Variants in CADM2 observed in about 807,000 individuals in gnomAD.
CADM2 encodes the protein cell adhesion molecule 2, also known as immunoglobulin superfamily member 4D.
In CADM2, 12 loss-of-function variants were observed where a neutral mutation model predicts 49.8. That is an observed-to-expected ratio of 0.24 (90% CI 0.15 to 0.39). The LOEUF (loss-of-function observed/expected upper bound fraction) is 0.39, where lower values mean the gene tolerates loss of function less well. Among genes scored for constraint, CADM2 ranks in the 10% least tolerant of loss-of-function variants. The pLI is 1.00. For missense variants in CADM2, 378 were observed against 492.3 expected, an observed-to-expected ratio of 0.77 and a Z score of 2.20; for synonymous variants, 214 against 175.4, an observed-to-expected ratio of 1.22 and a Z score of -1.74.
intron 1 of CADM2, among the ~76,000 whole-genome samples, chr3:85,121,461 A>G (rs1401420553): frequency 6.6e-6 from 1 of 152,144 alleles, no homozygotes; most frequent in African/African-American, 2.4e-5. Flanking sequence ...GCAGGAGGAA[A>G]GTGATCTGCA....
At chr3:85,633,362 T>A (rs1325865070) in intron 1 of CADM2, among the ~76,000 whole-genome samples, 1 of 152,082 alleles carries the variant, frequency 6.6e-6, no homozygotes, top group Non-Finnish European at 1.5e-5. Flanking sequence ...CTGGAGATGA[T>A]AATGCTTATA....
chr3:85,867,932 C>T (rs2075784114), intron 3 of CADM2, among the ~76,000 whole-genome samples: 1 of 151,954 alleles, frequency 6.6e-6, no homozygotes, highest in Non-Finnish European at 1.5e-5. Context: ...TCTTAGGCCA[C>T]GTTTCTTGCT....
intron 2 of CADM2, among the ~76,000 whole-genome samples, chr3:85,795,359 G>A (rs554969515): frequency 3.4e-4 from 52 of 152,200 alleles, no homozygotes; most frequent in African/African-American, 1.2e-3. Flanking sequence ...CTACAACAAA[G>A]CTTTTGAATT....
At chr3:85,782,844 G>A (rs6549054) in intron 2 of CADM2, among the ~76,000 whole-genome samples, 100,379 of 151,742 alleles carry the variant, frequency 0.66, 33,665 homozygotes, top group East Asian at 0.77. Flanking sequence ...CCACTCCCCT[G>A]TGTCAACGTA....
chr3:85,158,808 T>A (rs2040223652), intron 1 of CADM2, among the ~76,000 whole-genome samples: 3 of 152,040 alleles, frequency 2.0e-5, no homozygotes, highest in South Asian at 2.1e-4. Flanking sequence ...AACTTGCACA[T>A]TGTGCACATG....
intron 1 of CADM2, among the ~76,000 whole-genome samples, chr3:85,708,803 G>T (rs982219900): frequency 6.6e-6 from 1 of 152,070 alleles, no homozygotes; most frequent in African/African-American, 2.4e-5. Context: ...CTTGATGTTT[G>T]TGGGGTAAGA....
chr3:85,149,228 A>G (rs891239019), intron 1 of CADM2, among the ~76,000 whole-genome samples: 1 of 152,070 alleles, frequency 6.6e-6, no homozygotes, highest in Non-Finnish European at 1.5e-5. Context: ...CCATTGTGCC[A>G]GTATTAAGAG....
chr3:85,981,632 T>C (rs1727499500), intron 8 of CADM2, among the ~76,000 whole-genome samples: 1 of 151,678 alleles, frequency 6.6e-6, no homozygotes, highest in Admixed American at 6.6e-5. Flanking sequence ...TCCACATTAA[T>C]TTGCTTAGAA....
intron 1 of CADM2, among the ~76,000 whole-genome samples, chr3:85,188,446 A>G (rs539844520): frequency 3.3e-5 from 5 of 152,308 alleles, no homozygotes; most frequent in East Asian, 1.9e-4. Flanking sequence ...TACAATGTCT[A>G]TAATTATTTC....
chr3:85,872,521 T>A (rs1013270546), intron 3 of CADM2, among the ~76,000 whole-genome samples: 3 of 151,816 alleles, frequency 2.0e-5, no homozygotes, highest in Admixed American at 1.3e-4. Context: ...ATAAAAGATG[T>A]TTATCAAATT....
At chr3:85,255,094 A>G (rs779354596) in intron 1 of CADM2, among the ~76,000 whole-genome samples, 1 of 152,122 alleles carries the variant, frequency 6.6e-6, no homozygotes, top group East Asian at 1.9e-4. Flanking sequence ...CATAATAACC[A>G]CAGCCAAATT....
chr3:86,000,429 G>T (rs1730036393), intron 8 of CADM2, among the ~76,000 whole-genome samples: 1 of 152,078 alleles, frequency 6.6e-6, no homozygotes, highest in African/African-American at 2.4e-5. Flanking sequence ...AAACTCTGGG[G>T]AAAGAATAAA....
rs562814606 is a variant in CADM2, at chr3:85,806,910, C to CT, written c.238+4720dup. Among the ~76,000 whole-genome samples, 490 of 152,226 alleles carry CT rather than the reference C, an allele frequency of 3.2e-3. 1 individual carries two copies. The highest frequency in any genetic ancestry group is 5.2e-3 in the Non-Finnish European group (355 of 68,006). On this transcript the variant is annotated intron_variant, in intron 3 of 9. Transcript: ENST00000383699. ...AGGCAGCAAATTCAAGCTTTTACAA[C>CT]TTTTTTGCCATGTTTAATGTGATCA... is the stretch of plus-strand genomic sequence containing the variant.
chr3:85,535,075 C>T (rs1278911085), intron 1 of CADM2, among the ~76,000 whole-genome samples: 1 of 104,798 alleles, frequency 9.5e-6, no homozygotes, highest in Non-Finnish European at 2.4e-5. Context: ...CGATGTTACT[C>T]AGTAATTTGA....
intron 1 of CADM2, among the ~76,000 whole-genome samples, chr3:85,652,068 C>T (rs1203206926): frequency 1.3e-5 from 2 of 150,252 alleles, no homozygotes; most frequent in East Asian, 3.9e-4. Flanking sequence ...CCACCCACCT[C>T]AGCCTCCCAA....
intron 2 of CADM2, among the ~76,000 whole-genome samples, chr3:85,777,389 G>A (rs925493593): frequency 1.3e-5 from 2 of 151,940 alleles, no homozygotes; most frequent in Non-Finnish European, 2.9e-5. Context: ...TGGAGTAGCT[G>A]GAACTACAGG....
intron 2 of CADM2, among the ~76,000 whole-genome samples, chr3:85,727,207 T>C (rs2067738063): frequency 6.6e-6 from 1 of 152,134 alleles, no homozygotes; most frequent in African/African-American, 2.4e-5. Context: ...TTTCATTCTG[T>C]TTAGAGCAGT....
At chr3:85,590,409 A>G (rs758422689) in intron 1 of CADM2, among the ~76,000 whole-genome samples, 4 of 151,988 alleles carry the variant, frequency 2.6e-5, no homozygotes, top group Admixed American at 2.0e-4. Flanking sequence ...AAATAATTCA[A>G]ACTTTTAGAC....
At chr3:85,071,789 C>A (rs1311831162) in intron 1 of CADM2, among the ~76,000 whole-genome samples, 1 of 151,902 alleles carries the variant, frequency 6.6e-6, no homozygotes, top group South Asian at 2.1e-4. Flanking sequence ...AATCCAACTA[C>A]CTTCGTTAGC....
Sources: allele counts gnomAD v4.1 joint callset (sites outside exome capture counted in the v4.1 genomes callset), GRCh38; gene constraint gnomAD v4.1.1; transcripts MANE v1.5; gene names NCBI Gene and HGNC (gene_info 2026-07-23, HGNC 2026-07-21).